PHC3: variants seen among roughly 807,000 people sequenced by gnomAD.
PHC3 encodes polyhomeotic homolog 3, also known as polyhomeotic-like protein 3.
PHC3 carries 13 observed loss-of-function variants against 107.4 expected under a neutral mutation model. That is an observed-to-expected ratio of 0.12 (90% CI 0.08 to 0.19). PHC3 has a LOEUF of 0.19. Among genes scored for constraint, PHC3 ranks in the 10% least tolerant of loss-of-function variants. The pLI is 1.00. For synonymous variants in PHC3, 456 were observed against 427.4 expected (o/e 1.07, Z -0.83); for missense variants, 992 against 1,210.9 (o/e 0.82, Z 2.68).
rs556776322 is a variant in PHC3, at chr3:170,127,906, G to C, written c.1788+778C>G. Among the ~76,000 whole-genome samples the C allele has an allele frequency of 5.3e-5, 8 of 152,158 alleles. No individual in the cohort carries two copies. The South Asian group carries it at 1.5e-3, about 28-fold the overall frequency. ...TTCTAGGCAACAATTGTTTTTAGAG[G>C]TTTATTCTTAAAAATCCCACTACAA... On this transcript the variant is annotated intron_variant, in intron 8 of 14. Transcript: ENST00000495893.
intron 4 of PHC3, chr3:170,149,952 T>C (rs1725634673): frequency 6.6e-6 from 1 of 152,210 alleles, no homozygotes; most frequent in Non-Finnish European, 1.5e-5. Context: ...CCATTAGTTT[T>C]AATAGGGGAT....
intron 6 of PHC3, among the ~76,000 whole-genome samples, chr3:170,140,662 C>T (rs890462973): frequency 2.9e-5 from 4 of 136,182 alleles, no homozygotes; most frequent in Admixed American, 8.3e-5. Flanking sequence ...GGTGCGATCT[C>T]GGCTCACTGC....
At chr3:170,149,297 A>G in intron 4 of PHC3, 53 bp from the exon 5 acceptor site, 1 of 1,525,476 alleles carries the variant, frequency 6.6e-7, no homozygotes, top group Non-Finnish European at 8.8e-7. Flanking sequence ...CTTCCATGTT[A>G]CTGAATTTCA....
At chr3:170,128,372 G>A in intron 8 of PHC3, 2 of 1,320,158 alleles carry the variant, frequency 1.5e-6, no homozygotes, top group Non-Finnish European at 2.0e-6. Flanking sequence ...AGATGACACT[G>A]GTTCAAATGC....
intron 7 of PHC3, among the ~76,000 whole-genome samples, chr3:170,133,353 A>G (rs1275248673): frequency 1.3e-5 from 2 of 151,812 alleles, no homozygotes; most frequent in Non-Finnish European, 2.9e-5. Context: ...TAATTTTTGT[A>G]TTTTTAGTAG....
chr3:170,176,696 T>C (rs1730540149), intron 2 of PHC3, among the ~76,000 whole-genome samples: 1 of 152,222 alleles, frequency 6.6e-6, no homozygotes, highest in Non-Finnish European at 1.5e-5. Flanking sequence ...ATGGAGATAA[T>C]TCATGTAACA....
chr3:170,173,135 T>A (rs77945543), intron 2 of PHC3, among the ~76,000 whole-genome samples: 6 of 151,576 alleles, frequency 4.0e-5, no homozygotes, highest in African/African-American at 1.5e-4. Context: ...AAGGCTGCAG[T>A]TGAGCCAAGA....
chr3:170,117,232 T>C lies in PHC3; in HGVS notation c.2187A>G (p.Pro729=), dbSNP rs769528054. Residue 729 remains proline (P), a synonymous_variant, in exon 10 of 15, where the codon CCA becomes CCG. Coordinates refer to ENST00000495893, the MANE Select transcript of PHC3 (RefSeq NM_024947.4). ...EGFVIQEGLE[P]FPVSRSSLLI... ...AAATATGCTTGCTACTTACAGGAAA[T>C]GGCTCCAATCCCTCCTGAATCACAA... 4.3e-6 allele frequency: 7 copies of C among 1,613,870 alleles called. No individual in the cohort carries two copies. In the African/African-American group the frequency reaches 6.7e-5, roughly 15 times the overall value.
At chr3:170,118,464 T>G (rs1343055076) in intron 9 of PHC3, among the ~76,000 whole-genome samples, 1 of 152,238 alleles carries the variant, frequency 6.6e-6, no homozygotes, top group South Asian at 2.1e-4. Flanking sequence ...CAGGCTGGAG[T>G]GCAGTGGCAC....
chr3:170,144,860 CACACTT>C (rs922643102), intron 6 of PHC3, among the ~76,000 whole-genome samples: 16 of 152,188 alleles, frequency 1.1e-4, no homozygotes, highest in African/African-American at 3.6e-4. Flanking sequence ...AGCGCAGCAC[CACACTT>C]AAACAATTTT....
At position 170,140,582 on chromosome 3, in the gene PHC3, T is replaced by C. The variant is rs796698702; in HGVS notation, c.673-3917A>G. 8.3e-4 allele frequency among the ~76,000 whole-genome samples: 119 copies of C among 143,026 alleles called. 2 individuals carry two copies. In the South Asian group the frequency reaches 0.012, roughly 15 times the overall value. 93.8% of individuals were successfully genotyped at this position (143,026 alleles called of 152,430 possible). A position where few individuals can be genotyped will look rare whatever the true frequency, so the allele number is the denominator to read the frequency against. On this transcript the variant is annotated intron_variant, in intron 6 of 14. Coordinates refer to ENST00000495893, the MANE Select transcript of PHC3 (RefSeq NM_024947.4). Reference sequence around the variant, plus strand: ...GGTCAGAGTTCTTACTCATTTCTTTTTCTTTTTTTTTTTTTTTTTTTTTTT... The same window carrying C: ...GGTCAGAGTTCTTACTCATTTCTTTCTCTTTTTTTTTTTTTTTTTTTTTTT...
rs1714076492 is a variant in PHC3 at position 170,091,435 on chromosome 3, TA to T, written c.*5794del. On this transcript the variant is annotated 3_prime_UTR_variant, in exon 15 of 15. Coordinates refer to ENST00000495893, the MANE Select transcript of PHC3 (RefSeq NM_024947.4). ...TTGTAAAAAGCAGTAGAAACAAAAA[TA>T]TTTTTCAAAAGTATAAAGCTAGCTA... 1 of 152,178 alleles carries T rather than the reference TA, an allele frequency of 6.6e-6. No individual in the cohort carries two copies. Among genetic ancestry groups the T allele is most frequent in the African/African-American group, 2.4e-5 (1 of 41,434 alleles). The allele number at this position is 152,178 out of a possible 1,614,324, so 9.4% of individuals were successfully genotyped here.
Position 170,117,318 on chromosome 3 carries a change from C to G in PHC3, c.2101G>C (p.Glu701Gln), listed in dbSNP as rs1435612504. Residue 701 changes from glutamate to glutamine, a missense_variant, in exon 10 of 15, where the codon GAG (glutamate) becomes CAG (glutamine). Glu to Gln is a conservative substitution (Grantham distance 29). Around this residue, in one of 6 missense-constraint regions of PHC3, gnomAD observed 543 missense variants for 590.8 expected, o/e 0.92. Coordinates refer to ENST00000495893, the MANE Select transcript of PHC3 (RefSeq NM_024947.4). ...ACAATAGCCTGTGGAGGTTTGTTCT[C>G]TATACTGGGAATGCTACTGTGCATA... ...TSMHSSIPSI[E>Q]NKPPQAIVKP... 3.7e-6 allele frequency: 6 copies of G among 1,613,796 alleles called. No individual in the cohort carries two copies. Among genetic ancestry groups the G allele is most frequent in the Non-Finnish European group, 3.4e-6 (4 of 1,179,874 alleles).
At chr3:170,106,797 T>TATATAGC in intron 12 of PHC3, 35 bp downstream of exon 12, 1 of 1,523,836 alleles carries the variant, frequency 6.6e-7, no homozygotes, top group Non-Finnish European at 9.0e-7. Flanking sequence ...TGGCTATTTA[T>TATATAGC]CTGTCCTTTG....
chr3:170,179,760 G>A (rs766299555), intron 1 of PHC3, among the ~76,000 whole-genome samples: 4 of 152,028 alleles, frequency 2.6e-5, no homozygotes, highest in Non-Finnish European at 5.9e-5. Flanking sequence ...ACTAAATACA[G>A]AATCTGTATT....
intron 4 of PHC3, chr3:170,150,024 T>C (rs1725646852): frequency 6.6e-6 from 1 of 152,226 alleles, no homozygotes; most frequent in Non-Finnish European, 1.5e-5. Context: ...TGCCAGTTAC[T>C]CTGATTTGAT....
intron 4 of PHC3, among the ~76,000 whole-genome samples, chr3:170,165,676 C>A (rs1728615330): frequency 6.7e-6 from 1 of 149,102 alleles, no homozygotes; most frequent in Non-Finnish European, 1.5e-5. Flanking sequence ...ACTGCTTGAA[C>A]CCAGGAGGTG....
chr3:170,119,079 A>T (rs1172630836), intron 9 of PHC3, among the ~76,000 whole-genome samples: 1 of 151,414 alleles, frequency 6.6e-6, no homozygotes, highest in Non-Finnish European at 1.5e-5. Context: ...AAAGAAAATC[A>T]GCAGAAAATG....
chr3:170,101,796 T>C (rs1560018987), intron 14 of PHC3, among the ~76,000 whole-genome samples: 1 of 152,056 alleles, frequency 6.6e-6, no homozygotes, highest in Non-Finnish European at 1.5e-5. Flanking sequence ...GGAAAAAAGA[T>C]AGAGACTTAA....
Sources: allele counts gnomAD v4.1 joint callset (sites outside exome capture counted in the v4.1 genomes callset), GRCh38; gene constraint gnomAD v4.1.1; regional missense constraint gnomAD v4.1.1; transcripts MANE v1.5; gene names NCBI Gene and HGNC (gene_info 2026-07-23, HGNC 2026-07-21).